The following ARK2N variants were observed in gnomAD, a reference collection of about 807,000 sequenced individuals.
ARK2N encodes the protein arkadia (RNF111) N-terminal like PKA signaling regulator 2N.
At chr18:46,208,464 C>CTTTTTTTTTTTTTTTTTTTTTTTTTTT in the ARK2N span, among the ~76,000 whole-genome samples, 1 of 68,364 alleles carries the variant, frequency 1.5e-5, no homozygotes, top group Non-Finnish European at 2.8e-5. Flanking sequence ...GTTCTTAAAT[C>CTTTTTTTTTTTTTTTTTTTTTTTTTTT]TTTTTTTTTT....
At chr18:46,240,264 T>C in the ARK2N span, 1 of 1,480,964 alleles carries the variant, frequency 6.8e-7, no homozygotes, top group Non-Finnish European at 9.2e-7. Context: ...TAGTGGACCC[T>C]GATGAGGAGA....
At chr18:46,178,393 A>G in the ARK2N span, among the ~76,000 whole-genome samples, 10 of 152,136 alleles carry the variant, frequency 6.6e-5, no homozygotes, top group East Asian at 5.8e-4. Context: ...GCTCACTGCA[A>G]TCTCCACCTT....
At chr18:46,182,273 T>C in the ARK2N span, among the ~76,000 whole-genome samples, 1 of 152,232 alleles carries the variant, frequency 6.6e-6, no homozygotes, top group African/African-American at 2.4e-5. Context: ...TATTTTTCTC[T>C]GCTGAAATCA....
the ARK2N span, chr18:46,253,784 A>G: frequency 1.2e-6 from 2 of 1,613,606 alleles, no homozygotes; most frequent in Non-Finnish European, 1.7e-6. Flanking sequence ...GCGTCTTCAG[A>G]TAGTGAAGTA....
the ARK2N span, among the ~76,000 whole-genome samples, chr18:46,178,191 G>A: frequency 2.1e-3 from 323 of 152,356 alleles, no homozygotes; most frequent in African/African-American, 7.3e-3. Flanking sequence ...AGGGCAGATG[G>A]AGATAGGGCC....
At chr18:46,216,357 A>G in the ARK2N span, 24 of 1,613,998 alleles carry the variant, frequency 1.5e-5, no homozygotes, top group African/African-American at 2.8e-4. This position sits in a 1 kb window ranked among gnomAD's most constrained non-coding sequence, Gnocchi z 4.3. Context: ...AAAACCGGCA[A>G]TCCAGTGATA....
At chr18:46,225,510 G>A in the ARK2N span, among the ~76,000 whole-genome samples, 1 of 152,156 alleles carries the variant, frequency 6.6e-6, no homozygotes, top group Admixed American at 6.5e-5. Context: ...GCAGGCTGGA[G>A]TGCAATGGCG....
the ARK2N span, among the ~76,000 whole-genome samples, chr18:46,195,299 C>G: frequency 2.3e-5 from 3 of 128,054 alleles, no homozygotes; most frequent in Non-Finnish European, 4.7e-5. Context: ...GATAGAACCT[C>G]ACTCAGTTGC....
chr18:46,250,187 G>C, the ARK2N span, among the ~76,000 whole-genome samples: 4 of 151,972 alleles, frequency 2.6e-5, no homozygotes, highest in Non-Finnish European at 5.9e-5. Context: ...ACTGTCATCT[G>C]CTTACTCCGT....
At chr18:46,230,099 A>G in the ARK2N span, among the ~76,000 whole-genome samples, 2 of 151,334 alleles carry the variant, frequency 1.3e-5, no homozygotes, top group African/African-American at 2.4e-5. Context: ...TAATTTTTGT[A>G]TTTTTAGTAG....
chr18:46,217,792 A>G, the ARK2N span: 1 of 152,088 alleles, frequency 6.6e-6, no homozygotes, highest in African/African-American at 2.4e-5. Flanking sequence ...TAATATCTCT[A>G]TTGGATTCCT....
At chr18:46,180,752 A>C in the ARK2N span, among the ~76,000 whole-genome samples, 3 of 151,900 alleles carry the variant, frequency 2.0e-5, no homozygotes, top group African/African-American at 7.2e-5. Flanking sequence ...GTCTCTGCCC[A>C]CAGAACTCAA....
At chr18:46,174,510 C>A in the ARK2N span, among the ~76,000 whole-genome samples, 1 of 152,066 alleles carries the variant, frequency 6.6e-6, no homozygotes, top group Non-Finnish European at 1.5e-5. Context: ...AACTCGCAGC[C>A]TGGATTGCCG....
chr18:46,174,684 A>C, the ARK2N span, among the ~76,000 whole-genome samples: 2 of 151,788 alleles, frequency 1.3e-5, no homozygotes, highest in African/African-American at 4.8e-5. Context: ...GGGAGGCTGG[A>C]GGTGCCGCAG....
the ARK2N span, among the ~76,000 whole-genome samples, chr18:46,192,239 A>G: frequency 6.6e-6 from 1 of 152,128 alleles, no homozygotes; most frequent in Non-Finnish European, 1.5e-5. Flanking sequence ...TATAGGATGT[A>G]GTGGTAGGTA....
the ARK2N span, among the ~76,000 whole-genome samples, chr18:46,238,425 G>A: frequency 2.6e-5 from 4 of 152,224 alleles, no homozygotes; most frequent in East Asian, 7.7e-4. Context: ...GAACGCCATT[G>A]AATATTGCAG....
the ARK2N span, among the ~76,000 whole-genome samples, chr18:46,191,754 C>T: frequency 6.6e-6 from 1 of 152,254 alleles, no homozygotes; most frequent in Middle Eastern, 3.4e-3. Flanking sequence ...TTTGCAATGA[C>T]ATGTATCTAC....
At chr18:46,181,609 G>A in the ARK2N span, among the ~76,000 whole-genome samples, 10 of 152,134 alleles carry the variant, frequency 6.6e-5, no homozygotes, top group Non-Finnish European at 4.4e-5. Context: ...AGCTACTCGG[G>A]AGGTTTGAGG....
the ARK2N span, among the ~76,000 whole-genome samples, chr18:46,197,239 A>G: frequency 2.0e-5 from 3 of 152,162 alleles, no homozygotes; most frequent in Admixed American, 2.0e-4. Context: ...ATTGCCCAAA[A>G]GTCGTGTCCC....
Sources: allele counts gnomAD v4.1 joint callset (sites outside exome capture counted in the v4.1 genomes callset), GRCh38; gene constraint gnomAD v4.1.1; non-coding constraint Gnocchi (gnomAD v3.1); transcripts MANE v1.5; gene names NCBI Gene and HGNC (gene_info 2026-07-23, HGNC 2026-07-21).